ZNF385B: variants seen among roughly 807,000 people sequenced by gnomAD.
ZNF385B encodes zinc finger protein 385B.
Under a neutral mutation model 39.2 loss-of-function variants are expected in ZNF385B, and 23 were observed. The observed-to-expected ratio is 0.59, with a 90% confidence interval of 0.42 to 0.83. ZNF385B has a LOEUF of 0.83. Among genes scored for constraint, ZNF385B ranks in the 40% least tolerant of loss-of-function variants. The probability of loss-of-function intolerance (pLI) is 0.00; values close to 1 mark genes in which losing one functional copy is unlikely to be tolerated. For missense variants in ZNF385B, 552 were observed against 598.9 expected, an observed-to-expected ratio of 0.92 and a Z score of 0.82; for synonymous variants, 205 against 222.6, an observed-to-expected ratio of 0.92 and a Z score of 0.70.
intron 1 of ZNF385B, among the ~76,000 whole-genome samples, chr2:179,803,202 A>C (rs13410767): frequency 0.32 from 48,945 of 152,014 alleles, 8,250 homozygotes; most frequent in African/African-American, 0.39. Context: ...TCATCATGAC[A>C]TTTATTATAT....
intron 3 of ZNF385B, among the ~76,000 whole-genome samples, chr2:179,694,710 AT>A: frequency 6.6e-6 from 1 of 152,268 alleles, no homozygotes; most frequent in South Asian, 2.1e-4. Flanking sequence ...TAGGCAGATC[AT>A]TTGAGGTCAG....
At chr2:179,855,498 T>A (rs1161843740) in intron 1 of ZNF385B, among the ~76,000 whole-genome samples, 1 of 152,238 alleles carries the variant, frequency 6.6e-6, no homozygotes, top group Non-Finnish European at 1.5e-5. Context: ...TGTCTTTTAA[T>A]CCATCTCTGC....
intron 3 of ZNF385B, among the ~76,000 whole-genome samples, chr2:179,643,104 T>A (rs1354497371): frequency 6.9e-6 from 1 of 145,288 alleles, no homozygotes; most frequent in Non-Finnish European, 1.5e-5. Flanking sequence ...ATGAAGTGAA[T>A]CTATCACTTC....
chr2:179,523,087 T>G (rs1053817711), intron 4 of ZNF385B, among the ~76,000 whole-genome samples: 5 of 152,086 alleles, frequency 3.3e-5, no homozygotes, highest in Non-Finnish European at 7.4e-5. Context: ...CTAATGAAAA[T>G]CATGCAGAAA....
At chr2:179,556,945 A>G (rs1316034348) in intron 3 of ZNF385B, among the ~76,000 whole-genome samples, 4 of 149,352 alleles carry the variant, frequency 2.7e-5, no homozygotes, top group Non-Finnish European at 5.9e-5. Flanking sequence ...GCAGTGCAGA[A>G]CTATCATTTA....
chr2:179,601,884 TGTTAAA>T (rs1688436129), intron 3 of ZNF385B, among the ~76,000 whole-genome samples: 1 of 152,200 alleles, frequency 6.6e-6, no homozygotes, highest in Non-Finnish European at 1.5e-5. Flanking sequence ...GAATTTCTCC[TGTTAAA>T]GCTATGATCT....
intron 1 of ZNF385B, among the ~76,000 whole-genome samples, chr2:179,854,601 C>A (rs1332726941): frequency 6.6e-6 from 1 of 152,168 alleles, no homozygotes; most frequent in Admixed American, 6.5e-5. Flanking sequence ...GAGTCCAGGC[C>A]TCCAGACGAT....
At chr2:179,509,845 C>T (rs2105770105) in intron 5 of ZNF385B, among the ~76,000 whole-genome samples, 1 of 152,228 alleles carries the variant, frequency 6.6e-6, no homozygotes, top group East Asian at 1.9e-4. Context: ...GGTTCCTAAC[C>T]CAGCAATGAA....
chr2:179,617,758 ATGAG>A (rs1689873609), intron 3 of ZNF385B, among the ~76,000 whole-genome samples: 1 of 152,310 alleles, frequency 6.6e-6, no homozygotes, highest in African/African-American at 2.4e-5. Context: ...TGTTTGTTAC[ATGAG>A]TATTACCTGC....
intron 4 of ZNF385B, among the ~76,000 whole-genome samples, chr2:179,519,250 G>T (rs571011806): frequency 1.4e-3 from 215 of 152,260 alleles, no homozygotes; most frequent in African/African-American, 5.0e-3. Flanking sequence ...CTTAATTTTT[G>T]ATTTATGGTA....
intron 3 of ZNF385B, among the ~76,000 whole-genome samples, chr2:179,604,271 G>C (rs1688627316): frequency 6.6e-6 from 1 of 151,606 alleles, no homozygotes; most frequent in African/African-American, 2.4e-5. Context: ...ACTGGAAAAA[G>C]CAAAACAAAA....
At chr2:179,820,567 C>T (rs917855114) in intron 1 of ZNF385B, among the ~76,000 whole-genome samples, 5 of 151,614 alleles carry the variant, frequency 3.3e-5, no homozygotes, top group African/African-American at 9.7e-5. Context: ...TTTTTTCCTC[C>T]CAATTGTCTA....
intron 3 of ZNF385B, among the ~76,000 whole-genome samples, chr2:179,643,262 T>G (rs1287241746): frequency 6.6e-6 from 1 of 152,160 alleles, no homozygotes; most frequent in Non-Finnish European, 1.5e-5. Flanking sequence ...GTGATTGTTT[T>G]CAGTATTACA....
intron 5 of ZNF385B, among the ~76,000 whole-genome samples, chr2:179,497,682 A>G (rs1255747785): frequency 2.0e-5 from 3 of 152,202 alleles, no homozygotes; most frequent in African/African-American, 7.2e-5. Flanking sequence ...AACAACCAGA[A>G]AACACATAAA....
At chr2:179,507,307 A>G (rs745630276) in intron 5 of ZNF385B, among the ~76,000 whole-genome samples, 3 of 152,134 alleles carry the variant, frequency 2.0e-5, no homozygotes, top group Non-Finnish European at 4.4e-5. Context: ...CAGCCTATTC[A>G]TGGGCCATAT....
At chr2:179,617,511 A>C (rs1192041537) in intron 3 of ZNF385B, among the ~76,000 whole-genome samples, 2 of 152,164 alleles carry the variant, frequency 1.3e-5, no homozygotes, top group Non-Finnish European at 2.9e-5. Context: ...TTTTATATTG[A>C]AAAAAAGCTT....
At chr2:179,689,273 C>A (rs553563792) in intron 3 of ZNF385B, among the ~76,000 whole-genome samples, 1 of 152,112 alleles carries the variant, frequency 6.6e-6, no homozygotes, top group African/African-American at 2.4e-5. Flanking sequence ...AAAAGCTTTA[C>A]GGGTAAAAGC....
chr2:179,470,297 T>C (rs1250872225), intron 6 of ZNF385B, among the ~76,000 whole-genome samples: 4 of 152,196 alleles, frequency 2.6e-5, no homozygotes, highest in East Asian at 1.9e-4. Flanking sequence ...CAGTTTGATA[T>C]TGGGTGCTAA....
intron 3 of ZNF385B, among the ~76,000 whole-genome samples, chr2:179,615,331 T>C (rs1324832913): frequency 2.0e-5 from 3 of 152,184 alleles, no homozygotes; most frequent in Non-Finnish European, 2.9e-5. Flanking sequence ...CTCTATTATA[T>C]AGTGTTTCTT....
Sources: allele counts gnomAD v4.1 joint callset (sites outside exome capture counted in the v4.1 genomes callset), GRCh38; gene constraint gnomAD v4.1.1; transcripts MANE v1.5; gene names NCBI Gene and HGNC (gene_info 2026-07-23, HGNC 2026-07-21).